MFAP3L: variants seen among roughly 807,000 people sequenced by gnomAD.
MFAP3L encodes the protein microfibrillar-associated protein 3-like.
A neutral mutation model predicts 20.0 loss-of-function variants in MFAP3L; 5 were observed. The observed-to-expected ratio is 0.25, with a 90% CI of 0.13 to 0.53. The LOEUF (loss-of-function observed/expected upper bound fraction) is 0.53, where lower values mean the gene tolerates loss of function less well. MFAP3L is among the 20% of genes least tolerant of loss of function. The pLI is 0.96. For missense variants in MFAP3L, 409 were observed against 527.5 expected, an observed-to-expected ratio of 0.78 and a Z score of 2.20; for synonymous variants, 219 against 213.0, an observed-to-expected ratio of 1.03 and a Z score of -0.25.
At chr4:170,021,023 A>C (rs981439786) in intron 1 of MFAP3L, among the ~76,000 whole-genome samples, 1 of 152,154 alleles carries the variant, frequency 6.6e-6, no homozygotes, top group Non-Finnish European at 1.5e-5. Flanking sequence ...TGCAGTCATG[A>C]GGAAAAATAA....
At chr4:170,001,218 T>C (rs1738592762) in intron 2 of MFAP3L, among the ~76,000 whole-genome samples, 1 of 152,194 alleles carries the variant, frequency 6.6e-6, no homozygotes, top group South Asian at 2.1e-4. Context: ...ACACAGCTTG[T>C]CATGGTCCCT....
intron 2 of MFAP3L, among the ~76,000 whole-genome samples, chr4:169,998,606 A>AT (rs1196937959): frequency 6.6e-6 from 1 of 152,342 alleles, no homozygotes; most frequent in Non-Finnish European, 1.5e-5. Flanking sequence ...AAAAAAAAAA[A>AT]TTATACCCAA....
chr4:170,006,421 A>G (rs1241141632), intron 1 of MFAP3L, among the ~76,000 whole-genome samples: 1 of 152,178 alleles, frequency 6.6e-6, no homozygotes, highest in Non-Finnish European at 1.5e-5. Flanking sequence ...CCAAACCTAC[A>G]TACTTTTTAA....
rs1397881096 is a variant in MFAP3L, at chr4:169,989,504, T to A, written c.*1874A>T. 6.6e-6 allele frequency: 1 copy of A among 152,242 alleles called. No homozygotes were observed. The highest frequency in any genetic ancestry group is 1.5e-5 in the Non-Finnish European group (1 of 68,052). The allele number at this position is 152,242 out of a possible 1,614,324, so 9.4% of individuals were successfully genotyped here. A position where few individuals can be genotyped will look rare whatever the true frequency, so the allele number is the denominator to read the frequency against. ...TGTCTCATGCAACGGGGGTTGGTTA[T>A]CCTGGAAGACTGCAAACTTTCTGTG... On this transcript the variant is annotated 3_prime_UTR_variant, in exon 3 of 3. Coordinates refer to ENST00000361618, the MANE Select transcript of MFAP3L (RefSeq NM_021647.8).
intron 2 of MFAP3L, chr4:170,002,037 T>G: frequency 1.0e-6 from 1 of 985,424 alleles, no homozygotes; most frequent in South Asian, 4.7e-5. Flanking sequence ...GTGTGCTCCT[T>G]GAGTGACTCA....
intron 1 of MFAP3L, chr4:170,007,125 T>C (rs557977584): frequency 2.0e-5 from 3 of 152,340 alleles, no homozygotes; most frequent in Non-Finnish European, 1.5e-5. Context: ...CTGGTGATGA[T>C]AAATTAGCTT....
rs1375919366 is a variant in MFAP3L at position 169,992,323 on chromosome 4, G to A, written c.299-14C>T. ...TTTGCCATTTTCCTGTCGGAAGGGA[G>A]AGAAGAGAATTCAACCAAGGACACA... On this transcript the variant is annotated splice_polypyrimidine_tract_variant and intron_variant, in intron 2 of 2. Transcript: ENST00000361618. The surrounding 1 kb of genome is among the most constrained non-coding windows in gnomAD (Gnocchi z 4.3). 3.1e-6 allele frequency: 5 copies of A among 1,592,434 alleles called. No homozygotes were observed. Among genetic ancestry groups the A allele is most frequent in the Non-Finnish European group, 4.3e-6 (5 of 1,167,902 alleles).
chr4:169,995,179 A>G (rs1738047476), intron 2 of MFAP3L: 1 of 152,222 alleles, frequency 6.6e-6, no homozygotes, highest in Non-Finnish European at 1.5e-5. Flanking sequence ...GATATGATAA[A>G]ATGAGTATGT....
intron 1 of MFAP3L, among the ~76,000 whole-genome samples, chr4:170,012,267 G>C (rs1253189429): frequency 6.6e-6 from 1 of 152,186 alleles, no homozygotes; most frequent in African/African-American, 2.4e-5. Flanking sequence ...ACAGGAATTA[G>C]AATGTACAGA....
rs375569762 is a variant in MFAP3L, at chr4:170,009,495, C to T, written c.-133-3485G>A. 2.6e-5 allele frequency among the ~76,000 whole-genome samples: 4 copies of T among 151,850 alleles called. No individual in the cohort carries two copies. In the East Asian group the frequency reaches 7.7e-4, roughly 29 times the overall value. On this transcript the variant is annotated intron_variant, in intron 1 of 2. Transcript: ENST00000361618. Reference sequence around the variant, plus strand: ...ACATTGTGAAAGGGATTTGAGCCAGCAAAGAGTAAACCCTAAGTACTATAA... The same window carrying T: ...ACATTGTGAAAGGGATTTGAGCCAGTAAAGAGTAAACCCTAAGTACTATAA...
intron 2 of MFAP3L, chr4:169,994,406 A>G: frequency 3.0e-6 from 3 of 984,676 alleles, no homozygotes; most frequent in Non-Finnish European, 3.6e-6. Flanking sequence ...TCTGATGGTA[A>G]TACCAACAGC....
Position 169,990,215 on chromosome 4 carries a change from C to T in MFAP3L, c.*1163G>A, listed in dbSNP as rs1737560707. 6.6e-6 allele frequency: 1 copy of T among 152,222 alleles called. No homozygotes were observed. Among genetic ancestry groups the T allele is most frequent in the South Asian group, 2.1e-4 (1 of 4,836 alleles). The allele number at this position is 152,222 out of a possible 1,614,324, so 9.4% of individuals were successfully genotyped here. ...TAACATCACGCACCTCACATATAAC[C>T]ACTTTCTTGCAGGACTGCATAATTA... On this transcript the variant is annotated 3_prime_UTR_variant, in exon 3 of 3. Coordinates refer to ENST00000361618, the MANE Select transcript of MFAP3L (RefSeq NM_021647.8).
Position 170,005,796 on chromosome 4 carries a change from C to T in MFAP3L, c.82G>A (p.Ala28Thr), listed in dbSNP as rs547471341. The T allele has an allele frequency of 5.0e-6, 8 of 1,614,048 alleles. No individual in the cohort carries two copies. Among genetic ancestry groups the T allele is most frequent in the Admixed American group, 1.7e-5 (1 of 59,996 alleles). ...FLILVSTLAT[A>T]KSVTNSTLNG... Reference sequence around the variant, plus strand: ...AAAGTGCTGTTAGTCACACTCTTAGCGGTGGCTAGAGTGGATACTAGGATT... The same window carrying T: ...AAAGTGCTGTTAGTCACACTCTTAGTGGTGGCTAGAGTGGATACTAGGATT... Residue 28 changes from alanine (A) to threonine (T), a missense_variant, in exon 2 of 3, where the codon GCT becomes ACT. Ala to Thr is a moderately conservative substitution (Grantham distance 58). This residue lies in a region of MFAP3L where 113 missense variants were observed against 131.1 expected (regional missense o/e 0.86). Coordinates refer to ENST00000361618, the MANE Select transcript of MFAP3L (RefSeq NM_021647.8).
rs201963500 is a variant in MFAP3L at position 169,991,393 on chromosome 4, G to A, written c.1215C>T (p.Tyr405=). 42 of 1,613,466 alleles carry A rather than the reference G, an allele frequency of 2.6e-5. 1 individual carries two copies. Among genetic ancestry groups the A allele is most frequent in the African/African-American group, 9.3e-5 (7 of 74,872 alleles). ...GGGGTTGGTATTAGACATGGCTTTCGTAAATAATGCAGGTGTTTTTGTCAT... is the reference window on the plus strand; with the variant it reads ...GGGGTTGGTATTAGACATGGCTTTCATAAATAATGCAGGTGTTTTTGTCAT... ...VTHDKNTCII[Y]ESHV Residue 405 remains tyrosine, a synonymous_variant, in exon 3 of 3, where the codon TAC becomes TAT. Transcript: ENST00000361618. This position sits in a 1 kb window ranked among gnomAD's most constrained non-coding sequence, Gnocchi z 4.9.
chr4:170,008,288 C>T (rs966945551), intron 1 of MFAP3L, among the ~76,000 whole-genome samples: 4 of 152,160 alleles, frequency 2.6e-5, no homozygotes, highest in Admixed American at 6.5e-5. Context: ...GAAGACATAA[C>T]GCATCATTTA....
intron 1 of MFAP3L, among the ~76,000 whole-genome samples, chr4:170,007,700 GGGTC>G (rs1739133051): frequency 6.6e-6 from 1 of 152,122 alleles, no homozygotes; most frequent in Non-Finnish European, 1.5e-5. Flanking sequence ...TTTCAGCACT[GGGTC>G]CTTTGCAGGG....
chr4:169,986,731 C>T lies in MFAP3L; in HGVS notation c.*4647G>A, dbSNP rs1737302901. On this transcript the variant is annotated 3_prime_UTR_variant, in exon 3 of 3. Transcript: ENST00000361618. ...TTACAACTTTATTTTTAAAAGTGAACATTTTACAGTTCACAGAATCACCAG... is the reference window on the plus strand; with the variant it reads ...TTACAACTTTATTTTTAAAAGTGAATATTTTACAGTTCACAGAATCACCAG... 6.6e-6 allele frequency: 1 copy of T among 152,150 alleles called. No individual in the cohort carries two copies. The highest frequency in any genetic ancestry group is 2.1e-4 in the South Asian group (1 of 4,832). The allele number at this position is 152,150 out of a possible 1,614,324, so 9.4% of individuals were successfully genotyped here.
chr4:170,016,378 T>C (rs1254039158), intron 1 of MFAP3L, among the ~76,000 whole-genome samples: 1 of 152,164 alleles, frequency 6.6e-6, no homozygotes, highest in African/African-American at 2.4e-5. Context: ...CCGGCATCCT[T>C]GAACTTACTA....
At chr4:169,996,207 A>G (rs1738151326) in intron 2 of MFAP3L, among the ~76,000 whole-genome samples, 1 of 137,404 alleles carries the variant, frequency 7.3e-6, no homozygotes, top group African/African-American at 3.6e-5. Flanking sequence ...CTCCAGGCAC[A>G]CGAGTTAAAT....
Sources: allele counts gnomAD v4.1 joint callset (sites outside exome capture counted in the v4.1 genomes callset), GRCh38; gene constraint gnomAD v4.1.1; regional missense constraint gnomAD v4.1.1; non-coding constraint Gnocchi (gnomAD v3.1); transcripts MANE v1.5; gene names NCBI Gene and HGNC (gene_info 2026-07-23, HGNC 2026-07-21).